CEP152: variants seen among roughly 807,000 people sequenced by gnomAD.
CEP152 encodes the protein centrosomal protein of 152 kDa.
In CEP152, 132 loss-of-function variants were observed where a neutral mutation model predicts 188.9. The observed-to-expected ratio is 0.70, with a 90% CI of 0.61 to 0.81. The LOEUF is 0.81. Ranked by LOEUF, CEP152 falls within the 30% of genes least tolerant of loss-of-function variation. The pLI is 0.00. For missense variants in CEP152, 1,914 were observed against 1,969.8 expected (o/e 0.97, Z 0.54); for synonymous variants, 649 against 666.6 (o/e 0.97, Z 0.41).
chr15:48,774,350 C>T (rs1188674289), intron 12 of CEP152, among the ~76,000 whole-genome samples: 1 of 152,004 alleles, frequency 6.6e-6, no homozygotes, highest in Admixed American at 6.6e-5. Flanking sequence ...AATGAAAACC[C>T]CACAAAACCC....
intron 2 of CEP152, among the ~76,000 whole-genome samples, chr15:48,800,355 A>G (rs1897597498): frequency 1.3e-5 from 2 of 152,196 alleles, no homozygotes; most frequent in Admixed American, 6.5e-5. Flanking sequence ...GTTTCAGGGC[A>G]GAGAAAAGCT....
chr15:48,744,301 G>C lies in CEP152; in HGVS notation c.3774C>G (p.Cys1258Trp). 1 of 1,613,968 alleles carries C rather than the reference G, an allele frequency of 6.2e-7. No homozygotes were observed. The highest frequency in any genetic ancestry group is 8.5e-7 in the Non-Finnish European group (1 of 1,179,970). The change falls in exon 24 of 27, where the codon TGC (cysteine) becomes TGG (tryptophan). Residue 1258 changes from cysteine (C) to tryptophan (W), a missense_variant. Cys to Trp is a radical substitution (Grantham distance 215, BLOSUM62 -2). Transcript: ENST00000380950. ...GAAGTTCTTCCAAGGCTCCCCCACTGCATGGCAGGCAAGCATTTTCAATGG... is the reference window on the plus strand; with the variant it reads ...GAAGTTCTTCCAAGGCTCCCCCACTCCATGGCAGGCAAGCATTTTCAATGG... ...AGAIENACLP[C>W]SGGALEELRG... is the part of the protein sequence containing the mutation.
intron 6 of CEP152, 37 bp from the exon 7 acceptor site, chr15:48,793,498 C>G: frequency 6.4e-7 from 1 of 1,573,354 alleles, no homozygotes; most frequent in South Asian, 1.1e-5. Context: ...TAAAAACATA[C>G]CAAAATATAA....
intron 11 of CEP152, 109 bp downstream of exon 11, chr15:48,782,030 G>T: frequency 1.1e-6 from 1 of 949,644 alleles, no homozygotes; most frequent in Non-Finnish European, 1.7e-6. Flanking sequence ...CTGGTTTGAA[G>T]GTGGTCCAAC....
At chr15:48,792,032 C>T (rs1567023250) in intron 7 of CEP152, among the ~76,000 whole-genome samples, 1 of 152,110 alleles carries the variant, frequency 6.6e-6, no homozygotes, top group South Asian at 2.1e-4. Flanking sequence ...TTCGCTCTGT[C>T]GCCAAGCTGG....
intron 9 of CEP152, among the ~76,000 whole-genome samples, chr15:48,786,094 T>G (rs2140861898): frequency 6.6e-6 from 1 of 152,034 alleles, no homozygotes; most frequent in South Asian, 2.1e-4. Context: ...AATATAACAT[T>G]AAAGAAAAGG....
rs370054135 is a variant in CEP152 at position 48,781,247 on chromosome 15, T to A, written c.1526A>T (p.Tyr509Phe). The change falls in exon 12 of 27, where the codon TAT (tyrosine) becomes TTT (phenylalanine). Residue 509 changes from tyrosine (Y) to phenylalanine (F), a missense_variant. Tyr to Phe is a conservative substitution (Grantham distance 22, BLOSUM62 3). Coordinates refer to ENST00000380950, the MANE Select transcript of CEP152 (RefSeq NM_001194998.2). The stretch of plus-strand genomic sequence containing the variant: ...GACCTTTTTAATACCCAAATCCACA[T>A]ACGATTCAGTGAGTTCTATATTTAA... Reference protein sequence around the residue: ...GELNIELTESYVDLGIKKVNW... With the variant: ...GELNIELTESFVDLGIKKVNW... 6.2e-7 allele frequency: 1 copy of A among 1,613,590 alleles called. No homozygotes were observed. The highest frequency in any genetic ancestry group is 1.3e-5 in the African/African-American group (1 of 75,034).
chr15:48,768,371 A>G, intron 14 of CEP152, 43 bp from the exon 15 acceptor site: 1 of 1,060,676 alleles, frequency 9.4e-7, no homozygotes, highest in East Asian at 2.4e-5. Context: ...GAAAATAAAC[A>G]TCATTTTCAC....
chr15:48,750,895 A>G (rs1204436244), intron 21 of CEP152, among the ~76,000 whole-genome samples: 1 of 152,222 alleles, frequency 6.6e-6, no homozygotes, highest in African/African-American at 2.4e-5. Flanking sequence ...GGTTGCAGGC[A>G]TAGAACTGTG....
At chr15:48,804,311 T>C (rs1897845717) in intron 2 of CEP152, among the ~76,000 whole-genome samples, 1 of 152,244 alleles carries the variant, frequency 6.6e-6, no homozygotes, top group South Asian at 2.1e-4. Context: ...CAACAATACC[T>C]GTCTGAACCA....
intron 21 of CEP152, among the ~76,000 whole-genome samples, chr15:48,749,198 AGTAG>A (rs1893695226): frequency 6.6e-6 from 1 of 152,222 alleles, no homozygotes; most frequent in East Asian, 1.9e-4. Context: ...TGGGTTGGTA[AGTAG>A]GTAGGTAGAT....
intron 9 of CEP152, among the ~76,000 whole-genome samples, chr15:48,787,178 T>TTTTTTTTTC (rs1420503409): frequency 6.8e-6 from 1 of 146,318 alleles, no homozygotes; most frequent in Non-Finnish European, 1.5e-5. Flanking sequence ...TTTTTTTTTT[T>TTTTTTTTTC]TTTTCTGGAA....
At chr15:48,771,907 T>C (rs1430217728) in intron 13 of CEP152, among the ~76,000 whole-genome samples, 1 of 152,174 alleles carries the variant, frequency 6.6e-6, no homozygotes, top group Non-Finnish European at 1.5e-5. Flanking sequence ...GTACTGAAAG[T>C]AAAAAACAGA....
At chr15:48,752,000 T>C (rs1374842276) in intron 21 of CEP152, among the ~76,000 whole-genome samples, 1 of 152,210 alleles carries the variant, frequency 6.6e-6, no homozygotes, top group Non-Finnish European at 1.5e-5. Context: ...TAAAAAGTGA[T>C]TGAAATTAGT....
chr15:48,731,331 A>C (rs1247315799), intron 2 of CEP152, among the ~76,000 whole-genome samples: 1 of 152,210 alleles, frequency 6.6e-6, no homozygotes, highest in Non-Finnish European at 1.5e-5. Context: ...GGAAAAGAAA[A>C]AAATAAGATG....
chr15:48,782,965 C>T (rs1320542870), intron 10 of CEP152, among the ~76,000 whole-genome samples: 1 of 152,046 alleles, frequency 6.6e-6, no homozygotes, highest in East Asian at 1.9e-4. Flanking sequence ...CAAATTTTGC[C>T]CCCTATCAAG....
chr15:48,801,509 T>C (rs1334584743), intron 2 of CEP152, among the ~76,000 whole-genome samples: 1 of 152,214 alleles, frequency 6.6e-6, no homozygotes, highest in Non-Finnish European at 1.5e-5. Flanking sequence ...AAATATGTCA[T>C]CACTAAATGA....
At chr15:48,765,470 T>G (rs1361311700) in intron 17 of CEP152, among the ~76,000 whole-genome samples, 1 of 151,974 alleles carries the variant, frequency 6.6e-6, no homozygotes, top group Non-Finnish European at 1.5e-5. Context: ...CTTCTTGGAC[T>G]TGTGTACAAA....
intron 5 of CEP152, 114 bp downstream of exon 5, chr15:48,797,187 G>T: frequency 7.4e-6 from 9 of 1,221,076 alleles, no homozygotes; most frequent in Non-Finnish European, 1.1e-5. Context: ...TCAGAACTTC[G>T]TGTGGTTAAA....
Sources: allele counts gnomAD v4.1 joint callset (sites outside exome capture counted in the v4.1 genomes callset), GRCh38; gene constraint gnomAD v4.1.1; transcripts MANE v1.5; gene names NCBI Gene and HGNC (gene_info 2026-07-23, HGNC 2026-07-21).